The following TRPM3 variants were observed in gnomAD, a reference collection of about 807,000 sequenced individuals.
TRPM3 encodes the protein long transient receptor potential channel 3.
Under a neutral mutation model 181.2 loss-of-function variants are expected in TRPM3, and 77 were observed. The observed-to-expected ratio is 0.42, with a 90% CI of 0.35 to 0.51. The LOEUF is 0.51. TRPM3 is among the 20% of genes least tolerant of loss of function. The pLI, the probability that TRPM3 is intolerant of heterozygous loss-of-function variation, is 0.01. For missense variants in TRPM3, 1,759 were observed against 2,196.7 expected (o/e 0.80, Z 3.98); for synonymous variants, 745 against 796.4 (o/e 0.94, Z 1.09).
chr9:70,651,980 C>A lies in TRPM3; in HGVS notation c.1346-11320G>T, dbSNP rs974321693. ...AGGAAGGAGGAAGACCCTTCAGAGG[C>A]CACTGCAATAAATCAAAGAAAAATC... On this transcript the variant is annotated intron_variant, in intron 9 of 25. Coordinates refer to ENST00000677713, the MANE Select transcript of TRPM3 (RefSeq NM_001366145.2). 3.3e-5 allele frequency among the ~76,000 whole-genome samples: 5 copies of A among 151,992 alleles called. No homozygotes were observed. The East Asian group carries it at 5.8e-4, about 18-fold the overall frequency.
chr9:71,129,973 C>T (rs1456583655), intron 1 of TRPM3, among the ~76,000 whole-genome samples: 2 of 152,120 alleles, frequency 1.3e-5, no homozygotes, highest in Non-Finnish European at 2.9e-5. Flanking sequence ...AACACAATGC[C>T]TGAAACACAG....
chr9:70,993,784 C>CAAAAA (rs745913831), intron 1 of TRPM3, among the ~76,000 whole-genome samples: 1 of 66,732 alleles, frequency 1.5e-5, no homozygotes, highest in Non-Finnish European at 2.8e-5. Context: ...GATTCCATCT[C>CAAAAA]AAAAAAAAAA....
chr9:71,014,328 C>T (rs1373036032), intron 1 of TRPM3, among the ~76,000 whole-genome samples: 1 of 151,986 alleles, frequency 6.6e-6, no homozygotes, highest in Admixed American at 6.6e-5. Flanking sequence ...TAACCTAATA[C>T]ATGATTATTT....
chr9:71,354,009 C>T lies in TRPM3; in HGVS notation c.183+92644G>A, dbSNP rs373261945. On this transcript the variant is annotated intron_variant, in intron 1 of 24. Transcript: ENST00000357533. ...TCTATTCCATCTCATGGCCTCTCAT[C>T]TCAAGCACTGCAGACTATTTTAAGA... is the stretch of plus-strand genomic sequence containing the variant. 1.2e-4 allele frequency among the ~76,000 whole-genome samples: 19 copies of T among 152,296 alleles called. No individual in the cohort carries two copies. The East Asian group carries it at 3.7e-3, about 29-fold the overall frequency.
chr9:71,070,935 C>G (rs556932000), intron 1 of TRPM3, among the ~76,000 whole-genome samples: 3 of 152,290 alleles, frequency 2.0e-5, no homozygotes, highest in South Asian at 4.1e-4. Context: ...CTTATCAGCT[C>G]TAAGGTTGTT....
At chr9:70,868,927 G>A (rs2095719969) in intron 1 of TRPM3, 1 of 923,108 alleles carries the variant, frequency 1.1e-6, no homozygotes. Flanking sequence ...CTTCCTCTAG[G>A]TCCCCAGATC....
chr9:70,788,213 C>G (rs2084404520), intron 6 of TRPM3, among the ~76,000 whole-genome samples: 1 of 134,248 alleles, frequency 7.4e-6, no homozygotes, highest in African/African-American at 2.8e-5. Flanking sequence ...CTTCCTGTGT[C>G]CACGTGTTCT....
chr9:70,577,238 A>T (rs11788499), intron 22 of TRPM3, among the ~76,000 whole-genome samples: 15,916 of 152,270 alleles, frequency 0.1, 1,075 homozygotes, highest in South Asian at 0.24. Flanking sequence ...TAAGTAAATA[A>T]ATGCATGATG....
intron 1 of TRPM3, among the ~76,000 whole-genome samples, chr9:70,974,415 T>C (rs992082341): frequency 1.4e-5 from 2 of 140,494 alleles, no homozygotes; most frequent in African/African-American, 5.2e-5. Flanking sequence ...GGCGGGCTCC[T>C]GTAGTACCAG....
intron 22 of TRPM3, among the ~76,000 whole-genome samples, chr9:70,553,567 C>T (rs914863397): frequency 2.6e-5 from 4 of 152,096 alleles, no homozygotes; most frequent in Non-Finnish European, 5.9e-5. Flanking sequence ...GGTGGAGCCA[C>T]CTTCTTGCTC....
intron 4 of TRPM3, among the ~76,000 whole-genome samples, chr9:70,845,827 A>G (rs1052681082): frequency 2.0e-5 from 3 of 152,238 alleles, no homozygotes; most frequent in Admixed American, 6.5e-5. Flanking sequence ...GAATGCGTCT[A>G]TATCACAATA....
At chr9:70,889,048 A>G (rs1158547821) in intron 1 of TRPM3, among the ~76,000 whole-genome samples, 1 of 152,192 alleles carries the variant, frequency 6.6e-6, no homozygotes, top group African/African-American at 2.4e-5. Context: ...TGCCAACTAG[A>G]GAATGTTCAA....
intron 6 of TRPM3, among the ~76,000 whole-genome samples, chr9:70,816,866 C>A (rs2092736255): frequency 6.6e-6 from 1 of 152,160 alleles, no homozygotes; most frequent in South Asian, 2.1e-4. Flanking sequence ...TAATCCATAT[C>A]TTTTTAGGCA....
intron 1 of TRPM3, among the ~76,000 whole-genome samples, chr9:71,345,682 T>C (rs936179803): frequency 1.3e-5 from 2 of 152,132 alleles, no homozygotes; most frequent in African/African-American, 4.8e-5. Context: ...GGTACACATA[T>C]ACCTATGTAA....
chr9:70,831,983 A>ATATATATATATT lies in TRPM3; in HGVS notation c.802-3966_802-3965insAATATATATATA, dbSNP rs2093955203. Among the ~76,000 whole-genome samples the ATATATATATATT allele has an allele frequency of 2.1e-4, 22 of 103,390 alleles. 1 individual carries two copies. The highest frequency in any genetic ancestry group is 4.7e-3 in the Middle Eastern group (1 of 212). 67.8% of individuals were successfully genotyped at this position (103,390 alleles called of 152,430 possible). On this transcript the variant is annotated intron_variant, in intron 5 of 25. Transcript: ENST00000677713. Reference sequence around the variant, plus strand: ...CATAAATATATATATATATATATATATATATATATATATACCTACTATGTA... The same window carrying ATATATATATATT: ...CATAAATATATATATATATATATATATATATATATATTTATATATATATATACCTACTATGTA...
At chr9:70,909,157 A>G (rs1261278605) in intron 1 of TRPM3, among the ~76,000 whole-genome samples, 1 of 152,256 alleles carries the variant, frequency 6.6e-6, no homozygotes. Context: ...GTAAGAAATA[A>G]AATGCAAGTC....
intron 6 of TRPM3, among the ~76,000 whole-genome samples, chr9:70,813,257 C>G (rs1250885861): frequency 6.6e-6 from 1 of 152,168 alleles, no homozygotes; most frequent in East Asian, 1.9e-4. Flanking sequence ...ATGGAATCAA[C>G]CCGGGTGCTC....
At chr9:71,446,653 C>T (rs1488744809) in exon 1 of TRPM3, 1 of 1,549,840 alleles carries the variant, frequency 6.5e-7, no homozygotes, top group South Asian at 1.2e-5. Flanking sequence ...GGCCACTCAC[C>T]GGCGTCTGCT....
chr9:70,587,467 A>G (rs994558951), intron 22 of TRPM3, among the ~76,000 whole-genome samples: 1 of 152,220 alleles, frequency 6.6e-6, no homozygotes, highest in Admixed American at 6.5e-5. Flanking sequence ...TTTCCCTGCC[A>G]ACAAAGGTGC....
Sources: gnomAD v4.1 joint callset for allele counts (sites outside exome capture counted in the v4.1 genomes callset) on GRCh38, gnomAD v4.1.1 for gene constraint, MANE v1.5 for transcripts, NCBI Gene and HGNC (gene_info 2026-07-23, HGNC 2026-07-21) for gene names.